Variants in HNF1B observed in about 807,000 individuals in gnomAD.
HNF1B encodes hepatocyte nuclear factor 1-beta.
In HNF1B, 8 loss-of-function variants were observed where a neutral mutation model predicts 61.7. The ratio of observed to expected loss-of-function variants is 0.13; its 90% CI spans 0.08 to 0.23. HNF1B has a LOEUF of 0.23. Among genes scored for constraint, HNF1B ranks in the 10% least tolerant of loss-of-function variants. HNF1B has a pLI of 1.00. For missense variants in HNF1B, 562 were observed against 714.5 expected (o/e 0.79, Z 2.43); for synonymous variants, 314 against 287.7 (o/e 1.09, Z -0.93).
At position 37,699,208 on chromosome 17, in the gene HNF1B, G is replaced by A. The variant is rs774609149; in HGVS notation, c.1535-14C>T. On this transcript the variant is annotated splice_polypyrimidine_tract_variant and intron_variant, in intron 7 of 8. Transcript: ENST00000617811. ...TGTGTGCGTACACTGGAGAGACAGAGTGAAGACAGAATCAAGGTGCATACA... is the reference window on the plus strand; with the variant it reads ...TGTGTGCGTACACTGGAGAGACAGAATGAAGACAGAATCAAGGTGCATACA... 9 of 1,597,852 alleles carry A rather than the reference G, an allele frequency of 5.6e-6. No homozygotes were observed. The highest frequency in any genetic ancestry group is 1.3e-5 in the African/African-American group (1 of 74,568).
At chr17:37,716,834 C>G (rs1247893950) in intron 4 of HNF1B, among the ~76,000 whole-genome samples, 1 of 145,772 alleles carries the variant, frequency 6.9e-6, no homozygotes, top group Non-Finnish European at 1.5e-5. Flanking sequence ...CCTCTAGACA[C>G]TTTAACAATC....
chr17:37,713,714 T>C (rs1268143635), intron 4 of HNF1B, among the ~76,000 whole-genome samples: 1 of 152,084 alleles, frequency 6.6e-6, no homozygotes, highest in Non-Finnish European at 1.5e-5. Flanking sequence ...CGGCCCACTG[T>C]GGGGAGGGGG....
intron 8 of HNF1B, among the ~76,000 whole-genome samples, chr17:37,696,342 C>G (rs1022475178): frequency 3.9e-5 from 6 of 152,056 alleles, no homozygotes; most frequent in Non-Finnish European, 7.4e-5. Context: ...GAGGCTGAGG[C>G]GGGAGGACTG....
chr17:37,730,231 A>G (rs1037064094), intron 4 of HNF1B: 1 of 152,804 alleles, frequency 6.5e-6, no homozygotes, highest in African/African-American at 2.4e-5. Flanking sequence ...TGTGGTGGGC[A>G]AGCACACTGG....
intron 8 of HNF1B, among the ~76,000 whole-genome samples, chr17:37,688,182 C>T (rs911787614): frequency 1.3e-5 from 2 of 152,174 alleles, no homozygotes; most frequent in Non-Finnish European, 2.9e-5. Context: ...AGAGAAGCCA[C>T]CTCACCCAAC....
chr17:37,710,376 G>A, intron 5 of HNF1B, 127 bp downstream of exon 5: 2 of 1,260,376 alleles, frequency 1.6e-6, no homozygotes, highest in South Asian at 1.2e-5. Context: ...TCCGACTCTG[G>A]ACAGCCCTCA....
At chr17:37,724,940 A>G (rs541472555) in intron 4 of HNF1B, among the ~76,000 whole-genome samples, 6 of 147,710 alleles carry the variant, frequency 4.1e-5, no homozygotes, top group Admixed American at 2.0e-4. Context: ...GTGTGTGTAT[A>G]TATATATAAT....
chr17:37,738,299 G>C (rs992138354), intron 2 of HNF1B, among the ~76,000 whole-genome samples: 4 of 152,156 alleles, frequency 2.6e-5, no homozygotes, highest in African/African-American at 9.7e-5. Context: ...CCCAACAAAA[G>C]CACAAACACC....
At chr17:37,733,039 G>A (rs1001160688) in intron 3 of HNF1B, among the ~76,000 whole-genome samples, 1 of 152,104 alleles carries the variant, frequency 6.6e-6, no homozygotes, top group Non-Finnish European at 1.5e-5. Context: ...GGACTGAACA[G>A]ATCTGACCAA....
At chr17:37,728,125 C>T (rs1048773397) in intron 4 of HNF1B, among the ~76,000 whole-genome samples, 3 of 152,036 alleles carry the variant, frequency 2.0e-5, no homozygotes, top group Admixed American at 1.3e-4. Flanking sequence ...CCTCAGCCTC[C>T]GGAGTCGCTG....
chr17:37,733,448 T>C lies in HNF1B; in HGVS notation c.809+109A>G, dbSNP rs9901538. 3,221 of 1,264,158 alleles carry C rather than the reference T, an allele frequency of 2.5e-3. 58 individuals carry two copies. The African/African-American group carries it at 0.036, about 14-fold the overall frequency. The allele number at this position is 1,264,158 out of a possible 1,614,324, so 78.3% of individuals were successfully genotyped here. On this transcript the variant is annotated intron_variant, in intron 3 of 8. Coordinates refer to ENST00000617811, the MANE Select transcript of HNF1B (RefSeq NM_000458.4). ...GAACATACTTTGAGAAGCTCTGATT[T>C]AGCCACACTTATCTGTATAACTAGT...
At chr17:37,701,267 C>T in intron 6 of HNF1B, 90 bp from the exon 7 acceptor site, 1 of 1,271,668 alleles carries the variant, frequency 7.9e-7, no homozygotes, top group Non-Finnish European at 1.1e-6. Context: ...CTCAATGTCC[C>T]AGTCACCGGG....
chr17:37,738,564 A>G (rs2033900814), intron 2 of HNF1B, among the ~76,000 whole-genome samples: 1 of 152,254 alleles, frequency 6.6e-6, no homozygotes, highest in South Asian at 2.1e-4. Context: ...TTTCCAGGAA[A>G]AGGATTGGAT....
rs2032554542 is a variant in HNF1B at position 37,701,092 on chromosome 17, G to A, written c.1425C>T (p.Ser475=). 1 of 1,553,528 alleles carries A rather than the reference G, an allele frequency of 6.4e-7. No homozygotes were observed. Among genetic ancestry groups the A allele is most frequent in the Admixed American group, 1.9e-5 (1 of 51,320 alleles). ...SLAALQPVQF[S]QQLHSPHQQP... ...GCTGGTGAGGGCTGTGCAGCTGCTG[G>A]GAGAACTGGACGGGCTGCAGGGCTG... The change falls in exon 7 of 9, where the codon TCC becomes TCT. Residue 475 remains serine, a synonymous_variant. Coordinates refer to ENST00000617811, the MANE Select transcript of HNF1B (RefSeq NM_000458.4).
At chr17:37,702,256 T>C (rs1028766100) in intron 6 of HNF1B, among the ~76,000 whole-genome samples, 1 of 152,196 alleles carries the variant, frequency 6.6e-6, no homozygotes, top group African/African-American at 2.4e-5. Context: ...GACGGTTTCA[T>C]AGGCAGGTTT....
chr17:37,727,345 C>T (rs1055457274), intron 4 of HNF1B, among the ~76,000 whole-genome samples: 3 of 152,150 alleles, frequency 2.0e-5, no homozygotes, highest in Non-Finnish European at 2.9e-5. Flanking sequence ...CGGATAAAGG[C>T]CTTCCAGGCT....
chr17:37,695,646 A>G (rs139347282), intron 8 of HNF1B, among the ~76,000 whole-genome samples: 1 of 152,366 alleles, frequency 6.6e-6, no homozygotes, highest in East Asian at 1.9e-4. Context: ...TGGCACACCA[A>G]TGTGCCCAGG....
chr17:37,715,730 C>A (rs1273106771), intron 4 of HNF1B, among the ~76,000 whole-genome samples: 1 of 152,238 alleles, frequency 6.6e-6, no homozygotes, highest in Non-Finnish European at 1.5e-5. Context: ...CTGATGCCCA[C>A]TTCCCTAGGC....
At chr17:37,731,328 G>A (rs373358963) in intron 4 of HNF1B, 60 of 600,070 alleles carry the variant, frequency 1.0e-4, no homozygotes, top group South Asian at 7.5e-4. Context: ...GCCACACAGG[G>A]AGAAGAAGAG....
Sources: allele counts gnomAD v4.1 joint callset (sites outside exome capture counted in the v4.1 genomes callset), GRCh38; gene constraint gnomAD v4.1.1; transcripts MANE v1.5; gene names NCBI Gene and HGNC (gene_info 2026-07-23, HGNC 2026-07-21).